PREX2: variants seen among roughly 807,000 people sequenced by gnomAD.
The protein encoded by PREX2 is phosphatidylinositol 3,4,5-trisphosphate-dependent Rac exchanger 2 protein.
In PREX2, 107 loss-of-function variants were observed where a neutral mutation model predicts 203.2. That is an observed-to-expected ratio of 0.53 (90% CI 0.45 to 0.62). The LOEUF (loss-of-function observed/expected upper bound fraction) is 0.62, where lower values mean the gene tolerates loss of function less well. Among genes scored for constraint, PREX2 ranks in the 20% least tolerant of loss-of-function variants. The pLI is 0.00. For missense variants in PREX2, 1,777 were observed against 1,955.9 expected (o/e 0.91, Z 1.72); for synonymous variants, 672 against 663.6 (o/e 1.01, Z -0.19).
At chr8:68,066,449 G>T (rs1489178047) in intron 11 of PREX2, among the ~76,000 whole-genome samples, 1 of 152,048 alleles carries the variant, frequency 6.6e-6, no homozygotes, top group East Asian at 1.9e-4. Flanking sequence ...GTTTCGATTT[G>T]CATTTCCCTG....
chr8:68,105,458 G>A, intron 23 of PREX2: 1 of 1,174,374 alleles, frequency 8.5e-7, no homozygotes. Context: ...ACAGGCATTT[G>A]TATTGAGCTA....
Position 68,113,553 on chromosome 8 carries a change from C to T in PREX2, c.3147-2200C>T, listed in dbSNP as rs557049193. Among the ~76,000 whole-genome samples, 6 of 152,280 alleles carry T rather than the reference C, an allele frequency of 3.9e-5. No homozygotes were observed. The East Asian group carries it at 9.7e-4, about 24-fold the overall frequency. On this transcript the variant is annotated intron_variant, in intron 25 of 39. Transcript: ENST00000288368. The stretch of plus-strand genomic sequence containing the variant: ...AAACTGTGTTTAAAATCATCCATAG[C>T]TTTTGGTTATTAAAAATGTTCACAG...
At chr8:67,953,436 A>T (rs1362659976) in intron 1 of PREX2, among the ~76,000 whole-genome samples, 1 of 152,168 alleles carries the variant, frequency 6.6e-6, no homozygotes, top group East Asian at 1.9e-4. Context: ...TGCTGAAAAG[A>T]CAAAGAATTT....
intron 1 of PREX2, among the ~76,000 whole-genome samples, chr8:67,964,010 G>A (rs2129017783): frequency 6.6e-6 from 1 of 152,244 alleles, no homozygotes; most frequent in East Asian, 1.9e-4. Flanking sequence ...TGAGTATGTG[G>A]GGGTGAGAGC....
chr8:67,964,238 TCA>T (rs1563472946), intron 1 of PREX2, among the ~76,000 whole-genome samples: 2 of 152,208 alleles, frequency 1.3e-5, no homozygotes, highest in Non-Finnish European at 2.9e-5. Flanking sequence ...CACATCACTT[TCA>T]CTCTCATCCC....
At chr8:68,110,986 A>G in intron 25 of PREX2, 1 of 417,240 alleles carries the variant, frequency 2.4e-6, no homozygotes, top group Non-Finnish European at 4.7e-6. Flanking sequence ...TTTTTAAGCA[A>G]TTGCATGACA....
At position 67,970,715 on chromosome 8, in the gene PREX2, C is replaced by T. The variant is rs1077999; in HGVS notation, c.141+18180C>T. Among the ~76,000 whole-genome samples, 144 of 152,266 alleles carry T rather than the reference C, an allele frequency of 9.5e-4. 1 individual carries two copies. The highest frequency in any genetic ancestry group is 3.3e-3 in the African/African-American group (137 of 41,564). Reference sequence around the variant, plus strand: ...ATCAGGAGAAAATCATTTTCCTCTTCTGTGATTGTGAAACAACTGATTATC... The same window carrying T: ...ATCAGGAGAAAATCATTTTCCTCTTTTGTGATTGTGAAACAACTGATTATC... On this transcript the variant is annotated intron_variant, in intron 1 of 39. Coordinates refer to ENST00000288368, the MANE Select transcript of PREX2 (RefSeq NM_024870.4).
intron 11 of PREX2, among the ~76,000 whole-genome samples, chr8:68,061,237 G>A (rs1808841572): frequency 6.6e-6 from 1 of 152,212 alleles, no homozygotes; most frequent in Non-Finnish European, 1.5e-5. Context: ...CCGGCACAGA[G>A]CCTCACGTGG....
At chr8:68,008,246 T>C (rs182954787) in intron 1 of PREX2, among the ~76,000 whole-genome samples, 37 of 152,370 alleles carry the variant, frequency 2.4e-4, no homozygotes, top group African/African-American at 8.4e-4. Context: ...GGATATTTTC[T>C]GGACTGTTTC....
At chr8:68,108,058 T>G in intron 23 of PREX2, 51 bp from the exon 24 acceptor site, 5 of 1,242,168 alleles carry the variant, frequency 4.0e-6, no homozygotes, top group Non-Finnish European at 4.5e-6. Context: ...AAAAGATGCC[T>G]GAGTTATTAC....
At chr8:67,983,959 ATAG>A (rs1419331635) in intron 1 of PREX2, among the ~76,000 whole-genome samples, 2 of 152,142 alleles carry the variant, frequency 1.3e-5, no homozygotes, top group Admixed American at 6.5e-5. Context: ...TGCCTGGCAC[ATAG>A]TAGTGCACAT....
At chr8:68,032,923 C>T (rs1318358020) in intron 6 of PREX2, among the ~76,000 whole-genome samples, 2 of 152,172 alleles carry the variant, frequency 1.3e-5, no homozygotes, top group African/African-American at 2.4e-5. Flanking sequence ...TCCACAGCCT[C>T]CTGCAGACCA....
intron 38 of PREX2, among the ~76,000 whole-genome samples, chr8:68,220,872 T>A (rs1305541607): frequency 2.0e-5 from 3 of 152,138 alleles, no homozygotes; most frequent in Admixed American, 1.3e-4. Context: ...CAAGTTTTTG[T>A]TTTGTTTTAG....
chr8:68,222,428 T>G (rs957782221), intron 38 of PREX2, among the ~76,000 whole-genome samples: 1 of 147,770 alleles, frequency 6.8e-6, no homozygotes, highest in African/African-American at 2.5e-5. Context: ...ACTGAAACAA[T>G]TTTAGCAAAA....
At chr8:68,083,157 C>A in intron 17 of PREX2, 83 bp from the exon 18 acceptor site, 1 of 1,027,156 alleles carries the variant, frequency 9.7e-7, no homozygotes, top group Non-Finnish European at 1.4e-6. Flanking sequence ...AGCTCTGAAA[C>A]TTTTCATATT....
intron 1 of PREX2, among the ~76,000 whole-genome samples, chr8:67,967,822 G>C (rs184356751): frequency 6.6e-6 from 1 of 152,226 alleles, no homozygotes; most frequent in East Asian, 1.9e-4. Context: ...TGAGCAAACT[G>C]TTGCAAGGAC....
intron 8 of PREX2, among the ~76,000 whole-genome samples, chr8:68,045,798 C>T (rs1808335875): frequency 6.6e-6 from 1 of 152,098 alleles, no homozygotes; most frequent in South Asian, 2.1e-4. Context: ...GTTGCAGATA[C>T]TCCCGTGCTA....
Position 68,101,497 on chromosome 8 carries a change from T to A in PREX2, c.2715+1654T>A. The A allele has an allele frequency of 3.9e-6, 2 of 516,566 alleles. 1 individual carries two copies. The highest frequency in any genetic ancestry group is 2.8e-5 in the South Asian group (2 of 71,142). The allele number at this position is 516,566 out of a possible 1,614,324, so 32.0% of individuals were successfully genotyped here. ...CTGAGTTCAGTTCACCTACTTGAGT[T>A]TGGGGAAGATTCCATGAATGTACCT... is the stretch of plus-strand genomic sequence containing the variant. On this transcript the variant is annotated intron_variant, in intron 23 of 39. Coordinates refer to ENST00000288368, the MANE Select transcript of PREX2 (RefSeq NM_024870.4).
rs1007832919 is a variant in PREX2, at chr8:68,077,389, G to A, written c.1570-8G>A. The A allele has an allele frequency of 7.4e-6, 12 of 1,612,476 alleles. No homozygotes were observed. The highest frequency in any genetic ancestry group is 5.3e-5 in the African/African-American group (4 of 75,004). On this transcript the variant is annotated splice_region_variant and splice_polypyrimidine_tract_variant and intron_variant, in intron 14 of 39. Transcript: ENST00000288368. ...TATTAACTCCCACAGTGCTTTTTTG[G>A]TTAACAGGGAGATTGCCGCACCAGA...
Sources: gnomAD v4.1 joint callset for allele counts (sites outside exome capture counted in the v4.1 genomes callset) on GRCh38, gnomAD v4.1.1 for gene constraint, MANE v1.5 for transcripts, NCBI Gene and HGNC (gene_info 2026-07-23, HGNC 2026-07-21) for gene names.